EXT1: variants seen among roughly 807,000 people sequenced by gnomAD.
The protein encoded by EXT1 is exostosin-1.
In EXT1, 20 loss-of-function variants were observed where a neutral mutation model predicts 82.5. The ratio of observed to expected loss-of-function variants is 0.24; its 90% CI spans 0.17 to 0.35. EXT1 has a LOEUF of 0.35. EXT1 is among the 10% of genes least tolerant of loss of function. EXT1 has a pLI of 1.00. For missense variants in EXT1, 757 were observed against 936.5 expected (o/e 0.81, Z 2.50); for synonymous variants, 348 against 350.8 (o/e 0.99, Z 0.09).
chr8:117,869,042 A>G (rs1001856043), intron 1 of EXT1, among the ~76,000 whole-genome samples: 3 of 152,066 alleles, frequency 2.0e-5, no homozygotes, highest in Non-Finnish European at 4.4e-5. Flanking sequence ...GCACAACTCT[A>G]TGTTCCCTGC....
intron 5 of EXT1, among the ~76,000 whole-genome samples, chr8:117,821,788 T>C (rs1811928367): frequency 6.6e-6 from 1 of 152,196 alleles, no homozygotes; most frequent in Admixed American, 6.5e-5. Context: ...GAAATGTTCA[T>C]GATGTTTCTA....
In EXT1 at chr8:117,822,540, G is replaced by A. The variant is rs1811942325; in HGVS notation, c.1342C>T (p.His448Tyr). 6.2e-7 allele frequency: 1 copy of A among 1,613,456 alleles called. No individual in the cohort carries two copies. Among genetic ancestry groups the A allele is most frequent in the East Asian group, 2.2e-5 (1 of 44,838 alleles). Reference sequence around the variant, plus strand: ...GGTAGTACGAACAATCCTCCAGGATGTTTGTTCCATATTAAACTGTTACGT... The same window carrying A: ...GGTAGTACGAACAATCCTCCAGGATATTTGTTCCATATTAAACTGTTACGT... ...ISRNSLIWNK[H>Y]PGGLFVLPQY... Residue 448 changes from histidine to tyrosine, a missense_variant, in exon 5 of 11, where the codon CAT becomes TAT. Transcript: ENST00000378204.
intron 1 of EXT1, among the ~76,000 whole-genome samples, chr8:118,059,388 G>C (rs1816847452): frequency 6.6e-6 from 1 of 152,148 alleles, no homozygotes; most frequent in African/African-American, 2.4e-5. Context: ...CCTGAAAACA[G>C]GCCACCACTC....
chr8:118,096,268 T>C (rs1817609490), intron 1 of EXT1, among the ~76,000 whole-genome samples: 1 of 152,236 alleles, frequency 6.6e-6, no homozygotes, highest in African/African-American at 2.4e-5. Flanking sequence ...CAAAACCCTT[T>C]GGTTCATTTT....
intron 1 of EXT1, among the ~76,000 whole-genome samples, chr8:118,073,116 A>G (rs1329932176): frequency 6.6e-6 from 1 of 152,268 alleles, no homozygotes; most frequent in East Asian, 1.9e-4. Flanking sequence ...TAAAAGTTGT[A>G]GTGAAGTCCA....
intron 7 of EXT1, among the ~76,000 whole-genome samples, chr8:117,814,068 G>GAGA (rs1309195525): frequency 6.6e-6 from 1 of 151,256 alleles, no homozygotes; most frequent in Non-Finnish European, 1.5e-5. Context: ...GGAGAAGGAG[G>GAGA]AGGAGGAGAA....
chr8:118,005,444 A>T (rs1815754176), intron 1 of EXT1, among the ~76,000 whole-genome samples: 2 of 152,252 alleles, frequency 1.3e-5, no homozygotes, highest in African/African-American at 2.4e-5. Flanking sequence ...GCAGTAGCTA[A>T]TACCTATGCA....
chr8:118,003,182 A>T (rs143495484), intron 1 of EXT1, among the ~76,000 whole-genome samples: 2 of 152,208 alleles, frequency 1.3e-5, no homozygotes, highest in South Asian at 4.1e-4. Context: ...GTTCTCACTC[A>T]TAAGTGGAAG....
In EXT1 at chr8:117,887,978, G is replaced by A. The variant is rs577757032; in HGVS notation, c.963-50777C>T. ...TGCATGCCTGTAATCCCAGCTACTC[G>A]GGAGGCTGAGGCAGGATAATTGCTT... On this transcript the variant is annotated intron_variant, in intron 1 of 10. Coordinates refer to ENST00000378204, the MANE Select transcript of EXT1 (RefSeq NM_000127.3). Among the ~76,000 whole-genome samples the A allele has an allele frequency of 3.3e-5, 5 of 151,788 alleles. No individual in the cohort carries two copies. The South Asian group carries it at 6.2e-4, about 19-fold the overall frequency.
At chr8:118,108,098 A>G (rs1341815394) in intron 1 of EXT1, among the ~76,000 whole-genome samples, 2 of 152,224 alleles carry the variant, frequency 1.3e-5, no homozygotes, top group Non-Finnish European at 2.9e-5. Flanking sequence ...TTTAGTAAAA[A>G]TTAAAGTTTT....
chr8:117,892,814 G>A (rs2129947583), intron 1 of EXT1, among the ~76,000 whole-genome samples: 1 of 152,204 alleles, frequency 6.6e-6, no homozygotes, highest in East Asian at 1.9e-4. Context: ...AACAGGATGT[G>A]CAGATGAGTT....
At chr8:117,833,030 T>C (rs1812127422) in intron 3 of EXT1, among the ~76,000 whole-genome samples, 1 of 152,036 alleles carries the variant, frequency 6.6e-6, no homozygotes, top group South Asian at 2.1e-4. Context: ...TATATGCAAA[T>C]AAAAACATCC....
chr8:117,827,550 C>T (rs959908113), intron 4 of EXT1, among the ~76,000 whole-genome samples: 2 of 152,038 alleles, frequency 1.3e-5, no homozygotes, highest in African/African-American at 4.8e-5. Flanking sequence ...CATGGTGGCT[C>T]ATGCCTGTAA....
intron 1 of EXT1, among the ~76,000 whole-genome samples, chr8:118,060,905 C>G (rs1438354546): frequency 6.6e-6 from 1 of 152,164 alleles, no homozygotes; most frequent in Non-Finnish European, 1.5e-5. Flanking sequence ...AAAGACACTG[C>G]CTGGTATCAC....
rs1823073463 is a variant in EXT1 at position 117,795,260 on chromosome 8, G to A, written c.*4452C>T. ...TGAGGTTCCTGATATAAAATGTATT[G>A]GAACTCTAGACCAGTGACAACTACA... On this transcript the variant is annotated 3_prime_UTR_variant, in exon 11 of 11. Coordinates refer to ENST00000378204, the MANE Select transcript of EXT1 (RefSeq NM_000127.3). 1 of 152,056 alleles carries A rather than the reference G, an allele frequency of 6.6e-6. No individual in the cohort carries two copies. The highest frequency in any genetic ancestry group is 2.4e-5 in the African/African-American group (1 of 41,368). 9.4% of individuals were successfully genotyped at this position (152,056 alleles called of 1,614,324 possible). A position where few individuals can be genotyped will look rare whatever the true frequency, so the allele number is the denominator to read the frequency against.
intron 1 of EXT1, among the ~76,000 whole-genome samples, chr8:117,911,261 C>T (rs139712544): frequency 2.0e-5 from 3 of 152,248 alleles, no homozygotes; most frequent in Non-Finnish European, 4.4e-5. Context: ...AGATAAGCTC[C>T]AAATAAACCT....
At chr8:118,037,879 C>T (rs1436285259) in intron 1 of EXT1, among the ~76,000 whole-genome samples, 2 of 120,996 alleles carry the variant, frequency 1.7e-5, no homozygotes, top group African/African-American at 7.1e-5. Flanking sequence ...TCACTCTTGT[C>T]GCCCAGACTG....
At chr8:118,095,028 G>A (rs1817585273) in intron 1 of EXT1, among the ~76,000 whole-genome samples, 1 of 152,154 alleles carries the variant, frequency 6.6e-6, no homozygotes, top group Admixed American at 6.5e-5. Flanking sequence ...AGACATACAT[G>A]TGCATGTACA....
intron 8 of EXT1, among the ~76,000 whole-genome samples, chr8:117,808,616 T>A (rs553250786): frequency 1.3e-5 from 2 of 152,210 alleles, no homozygotes; most frequent in African/African-American, 4.8e-5. Context: ...TTTCATCTGT[T>A]TCGCAAATAT....
Sources: gnomAD v4.1 joint callset for allele counts (sites outside exome capture counted in the v4.1 genomes callset) on GRCh38, gnomAD v4.1.1 for gene constraint, MANE v1.5 for transcripts, NCBI Gene and HGNC (gene_info 2026-07-23, HGNC 2026-07-21) for gene names.